LRP1B: variants seen among roughly 807,000 people sequenced by gnomAD.
LRP1B encodes the protein LDL receptor related protein 1B, also known as low-density lipoprotein receptor-related protein 1B.
Under a neutral mutation model 556.6 loss-of-function variants are expected in LRP1B, and 217 were observed. That is an observed-to-expected ratio of 0.39 (90% CI 0.35 to 0.44). LRP1B has a LOEUF of 0.44. LRP1B is among the 20% of genes least tolerant of loss of function. The probability of loss-of-function intolerance (pLI) is 1.00; values close to 1 mark genes in which losing one functional copy is unlikely to be tolerated. For synonymous variants in LRP1B, 2,047 were observed against 1,865.8 expected, an observed-to-expected ratio of 1.10 and a Z score of -2.50; for missense variants, 5,053 against 5,620.8, an observed-to-expected ratio of 0.90 and a Z score of 3.23.
intron 17 of LRP1B, among the ~76,000 whole-genome samples, chr2:140,987,479 T>G (rs552578559): frequency 6.6e-6 from 1 of 152,228 alleles, no homozygotes; most frequent in Non-Finnish European, 1.5e-5. Context: ...ACATAAACGT[T>G]TTTACTTTTA....
chr2:140,301,624 ACTTT>A (rs1479009881), intron 83 of LRP1B, among the ~76,000 whole-genome samples: 1 of 151,940 alleles, frequency 6.6e-6, no homozygotes, highest in African/African-American at 2.4e-5. Flanking sequence ...TTAATATATT[ACTTT>A]CTTTATGCTC....
chr2:141,867,891 T>A (rs1453585047), intron 1 of LRP1B, among the ~76,000 whole-genome samples: 3 of 152,122 alleles, frequency 2.0e-5, no homozygotes, highest in Non-Finnish European at 2.9e-5. Flanking sequence ...TAATTCACCA[T>A]GTAAAGGGCA....
chr2:141,458,329 T>A (rs1411390615), intron 3 of LRP1B, among the ~76,000 whole-genome samples: 1 of 152,170 alleles, frequency 6.6e-6, no homozygotes, highest in Non-Finnish European at 1.5e-5. Context: ...TAGGACTGTT[T>A]GGGTCATCAT....
At position 140,442,544 on chromosome 2, in the gene LRP1B, C is replaced by G; in HGVS notation, c.10374G>C (p.Glu3458Asp). The G allele has an allele frequency of 6.2e-7, 1 of 1,613,988 alleles. No individual in the cohort carries two copies. The highest frequency in any genetic ancestry group is 8.5e-7 in the Non-Finnish European group (1 of 1,179,906). The change falls in exon 66 of 91, where the codon GAG becomes GAC. Residue 3458 changes from glutamate (E) to aspartate (D), a missense_variant. Coordinates refer to ENST00000389484, the MANE Select transcript of LRP1B (RefSeq NM_018557.3). ...HCISKLWVCD[E>D]DPDCADASDE... ...CTGATGCATCTGCACAGTCTGGATC[C>G]TCGTCACAAACCCACAGCTTGGAAA... is the stretch of plus-strand genomic sequence containing the variant.
intron 1 of LRP1B, among the ~76,000 whole-genome samples, chr2:141,977,643 G>T (rs77800921): frequency 0.02 from 2,993 of 152,182 alleles, 38 homozygotes; most frequent in Non-Finnish European, 0.031. Context: ...ATACTTTGTT[G>T]TTGATGATGG....
intron 3 of LRP1B, among the ~76,000 whole-genome samples, chr2:141,380,890 G>C (rs1303969598): frequency 6.6e-6 from 1 of 152,134 alleles, no homozygotes; most frequent in East Asian, 1.9e-4. Context: ...AAGCTCAAAG[G>C]TGGGAGGCAT....
At chr2:140,683,386 T>C (rs1685932302) in intron 41 of LRP1B, 4 of 511,088 alleles carry the variant, frequency 7.8e-6, no homozygotes, top group Admixed American at 2.4e-5. Context: ...AACTATCCTG[T>C]TTCAAAGACC....
intron 31 of LRP1B, among the ~76,000 whole-genome samples, chr2:140,826,028 G>A (rs910343674): frequency 1.3e-5 from 2 of 152,004 alleles, no homozygotes; most frequent in African/African-American, 4.8e-5. Flanking sequence ...TCAATCAGTT[G>A]AAAGGCCTTA....
intron 3 of LRP1B, among the ~76,000 whole-genome samples, chr2:141,298,727 G>C (rs1573771722): frequency 6.6e-6 from 1 of 152,012 alleles, no homozygotes; most frequent in African/African-American, 2.4e-5. Context: ...GGCCGAGGTG[G>C]GTGGATCACC....
At chr2:140,525,055 AC>A in intron 49 of LRP1B, among the ~76,000 whole-genome samples, 1 of 152,018 alleles carries the variant, frequency 6.6e-6, no homozygotes, top group Middle Eastern at 3.4e-3. Flanking sequence ...GTGTGTATAA[AC>A]TTTTGTGTAA....
chr2:142,105,423 G>A (rs1306890650), intron 1 of LRP1B, among the ~76,000 whole-genome samples: 4 of 152,114 alleles, frequency 2.6e-5, no homozygotes, highest in African/African-American at 9.7e-5. Context: ...AATAGGGCTA[G>A]ATATGGCTAA....
intron 89 of LRP1B, among the ~76,000 whole-genome samples, chr2:140,236,409 A>G (rs1680700262): frequency 6.6e-6 from 1 of 151,040 alleles, no homozygotes; most frequent in Admixed American, 6.6e-5. Flanking sequence ...GAATAAACCA[A>G]GAAAAATTGT....
intron 2 of LRP1B, among the ~76,000 whole-genome samples, chr2:141,510,072 C>A (rs565909088): frequency 6.6e-6 from 1 of 151,924 alleles, no homozygotes; most frequent in African/African-American, 2.4e-5. Flanking sequence ...AAAAAAAGTA[C>A]TCTTTCTCAT....
chr2:141,543,592 G>A (rs1385167872), intron 2 of LRP1B, among the ~76,000 whole-genome samples: 2 of 150,662 alleles, frequency 1.3e-5, no homozygotes, highest in Non-Finnish European at 3.0e-5. Context: ...GGGTATGGTT[G>A]CACACATCTG....
chr2:140,882,029 G>C (rs1054493653), intron 25 of LRP1B, among the ~76,000 whole-genome samples: 2 of 151,916 alleles, frequency 1.3e-5, no homozygotes, highest in African/African-American at 4.8e-5. Flanking sequence ...TCATACACCT[G>C]GTTTTTTGTT....
rs997443688 is a variant in LRP1B, at chr2:140,231,462, AT to A, written c.*1723del. The A allele has an allele frequency of 2.0e-5, 3 of 151,790 alleles. No homozygotes were observed. The highest frequency in any genetic ancestry group is 7.3e-5 in the African/African-American group (3 of 41,340). 9.4% of individuals were successfully genotyped at this position (151,790 alleles called of 1,614,324 possible). The stretch of plus-strand genomic sequence containing the variant: ...TTTCATTTAAATAAGTCAGTCAACA[AT>A]TTTTTATAAAGTATTTAACACTTCA... On this transcript the variant is annotated 3_prime_UTR_variant, in exon 91 of 91. Transcript: ENST00000389484.
intron 43 of LRP1B, among the ~76,000 whole-genome samples, chr2:140,573,292 C>T (rs1280273685): frequency 6.6e-6 from 1 of 151,336 alleles, no homozygotes; most frequent in Non-Finnish European, 1.5e-5. Flanking sequence ...TTAATAAAAT[C>T]CAAAAAGTAG....
chr2:140,840,876 A>C (rs1240624665), intron 30 of LRP1B, 42 bp downstream of exon 30: 14 of 1,442,670 alleles, frequency 9.7e-6, no homozygotes, highest in Non-Finnish European at 1.3e-5. Context: ...GCAAAAGTCT[A>C]TGAAATTTTG....
At chr2:142,083,166 A>G (rs762787644) in intron 1 of LRP1B, among the ~76,000 whole-genome samples, 8 of 152,206 alleles carry the variant, frequency 5.3e-5, no homozygotes, top group Non-Finnish European at 1.2e-4. Flanking sequence ...ATGTCCAGCA[A>G]GAAGTTTCTG....
Sources: gnomAD v4.1 joint callset for allele counts (sites outside exome capture counted in the v4.1 genomes callset) on GRCh38, gnomAD v4.1.1 for gene constraint, MANE v1.5 for transcripts, NCBI Gene and HGNC (gene_info 2026-07-23, HGNC 2026-07-21) for gene names.